The following ZNF385D variants were observed in gnomAD, a reference collection of about 807,000 sequenced individuals.
ZNF385D encodes the protein zinc finger protein 659.
ZNF385D carries 15 observed loss-of-function variants against 35.8 expected under a neutral mutation model. The ratio of observed to expected loss-of-function variants is 0.42; its 90% CI spans 0.28 to 0.64. ZNF385D has a LOEUF of 0.64. ZNF385D is among the 30% of genes least tolerant of loss of function. The pLI is 0.23. For synonymous variants in ZNF385D, 212 were observed against 186.8 expected (o/e 1.13, Z -1.10); for missense variants, 474 against 494.6 (o/e 0.96, Z 0.39).
chr3:21,498,071 A>G (rs1706052540), intron 4 of ZNF385D, among the ~76,000 whole-genome samples: 1 of 152,050 alleles, frequency 6.6e-6, no homozygotes. Flanking sequence ...CTTCACCCCC[A>G]CAACCATCTG....
chr3:21,829,631 A>G (rs1324219308), intron 3 of ZNF385D, among the ~76,000 whole-genome samples: 1 of 100,784 alleles, frequency 9.9e-6, no homozygotes. Context: ...GGTGAACTGT[A>G]AGGGGTCAAG....
rs149716575 is a variant in ZNF385D at position 21,709,679 on chromosome 3, A to G, written c.22+41216T>C. On this transcript the variant is annotated intron_variant, in intron 1 of 7. Coordinates refer to ENST00000281523, the MANE Select transcript of ZNF385D (RefSeq NM_024697.3). ...AGTTTTAGCAGAAGAAAAGTCATAGATAAGAGGGACGCCTCTATATGTTTT... is the reference window on the plus strand; with the variant it reads ...AGTTTTAGCAGAAGAAAAGTCATAGGTAAGAGGGACGCCTCTATATGTTTT... Among the ~76,000 whole-genome samples the G allele has an allele frequency of 6.4e-3, 974 of 152,314 alleles. 12 individuals carry two copies. The highest frequency in any genetic ancestry group is 0.021 in the African/African-American group (854 of 41,574).
intron 3 of ZNF385D, among the ~76,000 whole-genome samples, chr3:21,556,053 GT>G (rs1209768767): frequency 5.4e-5 from 6 of 110,810 alleles, no homozygotes; most frequent in South Asian, 3.2e-4. Context: ...ACTTTTTGAC[GT>G]TTTTTTTGTT....
chr3:21,981,070 T>TG (rs1694415917), intron 3 of ZNF385D, among the ~76,000 whole-genome samples: 1 of 152,188 alleles, frequency 6.6e-6, no homozygotes, highest in African/African-American at 2.4e-5. Flanking sequence ...TCTAGTCCTC[T>TG]GGGTATATAC....
chr3:22,303,946 T>A (rs1423222752), intron 2 of ZNF385D, among the ~76,000 whole-genome samples: 2 of 152,038 alleles, frequency 1.3e-5, no homozygotes, highest in Non-Finnish European at 2.9e-5. Context: ...CCCGGCTAAT[T>A]TTTGTATTTT....
intron 2 of ZNF385D, among the ~76,000 whole-genome samples, chr3:22,251,330 AC>A (rs1700054298): frequency 6.6e-6 from 1 of 152,122 alleles, no homozygotes. Context: ...AGGCGTAAGC[AC>A]TCCACCATCA....
At chr3:21,588,065 C>CA (rs1298734614) in intron 2 of ZNF385D, among the ~76,000 whole-genome samples, 4 of 152,074 alleles carry the variant, frequency 2.6e-5, no homozygotes, top group Non-Finnish European at 5.9e-5. Flanking sequence ...GATAAAAAGA[C>CA]AAGATAAAGT....
chr3:21,866,103 G>T (rs1575803318), intron 3 of ZNF385D, among the ~76,000 whole-genome samples: 1 of 151,856 alleles, frequency 6.6e-6, no homozygotes, highest in South Asian at 2.1e-4. Flanking sequence ...AATTTAACAG[G>T]TTGTAAACAT....
intron 3 of ZNF385D, among the ~76,000 whole-genome samples, chr3:21,901,579 T>C (rs1234066840): frequency 6.6e-6 from 1 of 152,194 alleles, no homozygotes; most frequent in Non-Finnish European, 1.5e-5. Context: ...CACTGCCATT[T>C]AATCCTCACA....
intron 3 of ZNF385D, among the ~76,000 whole-genome samples, chr3:21,823,684 C>G (rs1694419196): frequency 6.6e-6 from 1 of 152,112 alleles, no homozygotes; most frequent in Admixed American, 6.6e-5. Context: ...AATTCAATAG[C>G]AGTATCAGAG....
chr3:21,992,174 C>A (rs772087050), intron 3 of ZNF385D, among the ~76,000 whole-genome samples: 5 of 151,938 alleles, frequency 3.3e-5, no homozygotes, highest in Non-Finnish European at 7.4e-5. Flanking sequence ...CAAGCAATAC[C>A]ATAAATATTG....
chr3:21,692,573 T>C (rs1255980744), intron 1 of ZNF385D, among the ~76,000 whole-genome samples: 1 of 152,246 alleles, frequency 6.6e-6, no homozygotes, highest in Non-Finnish European at 1.5e-5. Context: ...CCAGTCACTT[T>C]GTGCCTTCAC....
intron 3 of ZNF385D, among the ~76,000 whole-genome samples, chr3:21,772,387 C>A (rs1053860387): frequency 1.5e-4 from 23 of 151,416 alleles, no homozygotes; most frequent in African/African-American, 4.8e-4. Context: ...ACAACAACAA[C>A]AAAAAAACAA....
chr3:22,310,214 A>G (rs1703463798), intron 2 of ZNF385D, among the ~76,000 whole-genome samples: 1 of 152,038 alleles, frequency 6.6e-6, no homozygotes, highest in African/African-American at 2.4e-5. Context: ...TTCAGGCGTC[A>G]TGATTACTAT....
At chr3:21,706,339 A>G (rs186723252) in intron 1 of ZNF385D, among the ~76,000 whole-genome samples, 25 of 152,194 alleles carry the variant, frequency 1.6e-4, no homozygotes, top group Non-Finnish European at 2.4e-4. Context: ...AAAGACAATC[A>G]ACTTTTGACA....
intron 1 of ZNF385D, among the ~76,000 whole-genome samples, chr3:21,675,087 G>C (rs1575440282): frequency 6.7e-6 from 1 of 148,890 alleles, no homozygotes; most frequent in South Asian, 2.1e-4. Context: ...TGAAGAACTA[G>C]AAAAGAAAAG....
intron 2 of ZNF385D, among the ~76,000 whole-genome samples, chr3:22,368,889 C>T (rs529025507): frequency 4.5e-4 from 69 of 152,278 alleles, no homozygotes; most frequent in African/African-American, 1.6e-3. Flanking sequence ...GAAGTAAATA[C>T]ATTTTTAATT....
chr3:21,712,510 G>A (rs1005602258), intron 1 of ZNF385D, among the ~76,000 whole-genome samples: 4 of 152,146 alleles, frequency 2.6e-5, no homozygotes, highest in Non-Finnish European at 5.9e-5. Context: ...AGAGGTTTAA[G>A]CCATTATCAA....
At chr3:21,918,036 C>A (rs971460588) in intron 3 of ZNF385D, among the ~76,000 whole-genome samples, 1 of 152,178 alleles carries the variant, frequency 6.6e-6, no homozygotes, top group Admixed American at 6.6e-5. Flanking sequence ...GACTTTTGTG[C>A]TTTGACTTAG....
Sources: gnomAD v4.1 joint callset for allele counts (sites outside exome capture counted in the v4.1 genomes callset) on GRCh38, gnomAD v4.1.1 for gene constraint, MANE v1.5 for transcripts, NCBI Gene and HGNC (gene_info 2026-07-23, HGNC 2026-07-21) for gene names.